TTC28: variants seen among roughly 807,000 people sequenced by gnomAD.
TTC28 encodes the protein tetratricopeptide repeat protein 28.
A neutral mutation model predicts 198.0 loss-of-function variants in TTC28; 61 were observed. That is an observed-to-expected ratio of 0.31 (90% CI 0.25 to 0.38). The LOEUF is 0.38. TTC28 is among the 10% of genes least tolerant of loss of function. The pLI, the probability that TTC28 is intolerant of heterozygous loss-of-function variation, is 1.00. For missense variants in TTC28, 2,678 were observed against 3,164.0 expected, an observed-to-expected ratio of 0.85 and a Z score of 3.69; for synonymous variants, 1,171 against 1,297.8, an observed-to-expected ratio of 0.90 and a Z score of 2.10.
chr22:28,162,881 G>T (rs996956635), intron 6 of TTC28, among the ~76,000 whole-genome samples: 9 of 152,158 alleles, frequency 5.9e-5, no homozygotes, highest in African/African-American at 1.9e-4. Context: ...GTGAGGTGTG[G>T]TTGTGCCACA....
At chr22:28,172,078 A>ACC (rs1248134195) in intron 5 of TTC28, among the ~76,000 whole-genome samples, 1 of 151,750 alleles carries the variant, frequency 6.6e-6, no homozygotes, top group Non-Finnish European at 1.5e-5. Flanking sequence ...GTTCTTCTCC[A>ACC]CCACCTGGCT....
intron 14 of TTC28, among the ~76,000 whole-genome samples, chr22:28,011,108 C>T (rs1260333066): frequency 1.3e-5 from 2 of 152,134 alleles, no homozygotes; most frequent in Non-Finnish European, 2.9e-5. Flanking sequence ...TGCTTAAGTC[C>T]TTGGTATAAA....
In TTC28 at chr22:28,094,290, A is replaced by G. The variant is rs1421411354; in HGVS notation, c.3767-45T>C. On this transcript the variant is annotated intron_variant, in intron 11 of 22. Coordinates refer to ENST00000397906, the MANE Select transcript of TTC28 (RefSeq NM_001145418.2). ...GCCAACATTATACACAATTAGGGTC[A>G]GAGAAAGGAGAAGTTGAAGGCAGGG... The G allele has an allele frequency of 2.0e-6, 3 of 1,466,418 alleles. No homozygotes were observed. In the Admixed American group the frequency reaches 7.4e-5, roughly 36 times the overall value. 90.8% of individuals were successfully genotyped at this position (1,466,418 alleles called of 1,614,324 possible).
intron 6 of TTC28, among the ~76,000 whole-genome samples, chr22:28,152,329 C>G (rs1601391940): frequency 6.6e-6 from 1 of 152,090 alleles, no homozygotes; most frequent in East Asian, 1.9e-4. Flanking sequence ...AGTGGTGCTT[C>G]CTTTTTCATC....
intron 2 of TTC28, among the ~76,000 whole-genome samples, chr22:28,438,145 T>C (rs915552805): frequency 2.0e-5 from 3 of 152,214 alleles, no homozygotes; most frequent in African/African-American, 4.8e-5. Flanking sequence ...AGTCTGATGT[T>C]ATACTATTAA....
At position 28,153,113 on chromosome 22, in the gene TTC28, T is replaced by A. The variant is rs1162829081; in HGVS notation, c.1441+9979A>T. On this transcript the variant is annotated intron_variant, in intron 6 of 22. Coordinates refer to ENST00000397906, the MANE Select transcript of TTC28 (RefSeq NM_001145418.2). The stretch of plus-strand genomic sequence containing the variant: ...GGAATCCAGAATTTTCTGATTCAGA[T>A]TACCAGATTTTAATGTTCAAATATG... Among the ~76,000 whole-genome samples, 3 of 152,056 alleles carry A rather than the reference T, an allele frequency of 2.0e-5. No homozygotes were observed. In the East Asian group the frequency reaches 5.8e-4, roughly 29 times the overall value.
intron 13 of TTC28, among the ~76,000 whole-genome samples, chr22:28,024,057 C>T (rs1195272139): frequency 6.6e-6 from 1 of 152,058 alleles, no homozygotes; most frequent in Non-Finnish European, 1.5e-5. Flanking sequence ...CCTTCTGTGC[C>T]TGTACCTACT....
At chr22:28,298,065 A>G (rs943064947) in intron 3 of TTC28, among the ~76,000 whole-genome samples, 1 of 152,116 alleles carries the variant, frequency 6.6e-6, no homozygotes, top group Non-Finnish European at 1.5e-5. Context: ...TCACTCTTGC[A>G]TGTATATGTC....
chr22:28,072,933 A>T (rs982689969), intron 12 of TTC28, among the ~76,000 whole-genome samples: 2 of 152,138 alleles, frequency 1.3e-5, no homozygotes, highest in African/African-American at 4.8e-5. Flanking sequence ...GATGACAGTG[A>T]CCTCTTAGAA....
At chr22:28,283,857 C>T (rs1007140371) in intron 5 of TTC28, among the ~76,000 whole-genome samples, 2 of 152,030 alleles carry the variant, frequency 1.3e-5, no homozygotes, top group Non-Finnish European at 2.9e-5. Flanking sequence ...TTGGAAGTAT[C>T]CTTATTGAAT....
intron 2 of TTC28, among the ~76,000 whole-genome samples, chr22:28,588,152 AC>A (rs1426328046): frequency 1.4e-5 from 2 of 147,036 alleles, no homozygotes; most frequent in African/African-American, 5.3e-5. Context: ...AAAAAAAAAA[AC>A]AAACAAACAA....
At chr22:28,646,993 C>G (rs914584064) in intron 1 of TTC28, among the ~76,000 whole-genome samples, 3 of 152,176 alleles carry the variant, frequency 2.0e-5, no homozygotes, top group Non-Finnish European at 2.9e-5. Flanking sequence ...TACTATAAGA[C>G]TGTACTAACT....
intron 5 of TTC28, among the ~76,000 whole-genome samples, chr22:28,182,361 G>A (rs991879388): frequency 3.3e-5 from 5 of 152,064 alleles, no homozygotes; most frequent in African/African-American, 7.2e-5. Context: ...GAATGTAGTC[G>A]ATCACCCTTC....
intron 12 of TTC28, among the ~76,000 whole-genome samples, chr22:28,062,682 A>T (rs1381800090): frequency 6.6e-6 from 1 of 151,454 alleles, no homozygotes; most frequent in African/African-American, 2.4e-5. Flanking sequence ...TTTCTTTGTC[A>T]TTTCCTTTAT....
At chr22:28,674,271 T>C (rs2051941325) in intron 1 of TTC28, among the ~76,000 whole-genome samples, 1 of 149,336 alleles carries the variant, frequency 6.7e-6, no homozygotes, top group African/African-American at 2.4e-5. Flanking sequence ...TGTGGTTTTT[T>C]TTTTTTTTTT....
chr22:28,045,854 C>A (rs1243115195), intron 12 of TTC28, among the ~76,000 whole-genome samples: 2 of 152,268 alleles, frequency 1.3e-5, no homozygotes, highest in African/African-American at 4.8e-5. Flanking sequence ...ATCCCAGTTA[C>A]TCTGGAGGCT....
intron 22 of TTC28, among the ~76,000 whole-genome samples, chr22:27,984,058 C>G (rs1937119750): frequency 6.6e-6 from 1 of 152,140 alleles, no homozygotes; most frequent in South Asian, 2.1e-4. Flanking sequence ...TAGGAGAGCT[C>G]ACAGCCACAC....
intron 2 of TTC28, among the ~76,000 whole-genome samples, chr22:28,339,777 G>A (rs1269180405): frequency 6.6e-6 from 1 of 152,076 alleles, no homozygotes; most frequent in Non-Finnish European, 1.5e-5. Flanking sequence ...CGATTTTCCA[G>A]GTGCCATCTG....
intron 2 of TTC28, among the ~76,000 whole-genome samples, chr22:28,358,270 AAAGG>A (rs1382515537): frequency 8.5e-5 from 13 of 152,188 alleles, no homozygotes; most frequent in Non-Finnish European, 1.9e-4. Context: ...TATCCAAGGA[AAAGG>A]AAGTACAACT....
Sources: allele counts gnomAD v4.1 joint callset (sites outside exome capture counted in the v4.1 genomes callset), GRCh38; gene constraint gnomAD v4.1.1; transcripts MANE v1.5; gene names NCBI Gene and HGNC (gene_info 2026-07-23, HGNC 2026-07-21).